Variants in SNX14 observed in about 807,000 individuals in gnomAD.
SNX14 encodes sorting nexin-14.
SNX14 carries 93 observed loss-of-function variants against 133.8 expected under a neutral mutation model. That is an observed-to-expected ratio of 0.70 (90% CI 0.59 to 0.83). The LOEUF is 0.83. SNX14 is among the 40% of genes least tolerant of loss of function. The pLI is 0.00. For synonymous variants in SNX14, 368 were observed against 365.6 expected (o/e 1.01, Z -0.07); for missense variants, 945 against 1,094.9 (o/e 0.86, Z 1.93).
chr6:85,579,852 C>A (rs140001970), intron 1 of SNX14, among the ~76,000 whole-genome samples: 148 of 152,310 alleles, frequency 9.7e-4, no homozygotes, highest in African/African-American at 3.5e-3. Context: ...GACTGTAACG[C>A]CTAGGCAAGT....
At chr6:85,578,442 G>A (rs1388314070) in intron 1 of SNX14, among the ~76,000 whole-genome samples, 3 of 152,086 alleles carry the variant, frequency 2.0e-5, no homozygotes, top group Non-Finnish European at 2.9e-5. Flanking sequence ...GAAGGGAAGA[G>A]GGGGGTATCC....
chr6:85,547,019 G>T, intron 12 of SNX14, 93 bp downstream of exon 12: 33 of 681,990 alleles, frequency 4.8e-5, no homozygotes, highest in South Asian at 1.2e-4. Context: ...TACAATGATA[G>T]ATGGGTACCA....
chr6:85,513,899 A>G lies in SNX14; in HGVS notation c.2558-4T>C, dbSNP rs771674560. 6.3e-7 allele frequency: 1 copy of G among 1,597,584 alleles called. No homozygotes were observed. The highest frequency in any genetic ancestry group is 8.5e-7 in the Non-Finnish European group (1 of 1,173,206). On this transcript the variant is annotated splice_polypyrimidine_tract_variant and splice_region_variant and intron_variant, in intron 25 of 28. Coordinates refer to ENST00000314673, the MANE Select transcript of SNX14 (RefSeq NM_153816.6). ...GTGTTTTCACAGAATATAGCATCTA[A>G]AAAAGAGTAAAAAGAAATATTTCTG...
In SNX14 at chr6:85,572,131, A is replaced by G. The variant is rs1203806345; in HGVS notation, c.417+6T>C. ...TTCTGTTAATAATATTAATTAAATC[A>G]GTTACCTCTGAGAGAGATGCATCAA... is the stretch of plus-strand genomic sequence containing the variant. On this transcript the variant is annotated splice_donor_region_variant and intron_variant, in intron 4 of 28. Transcript: ENST00000314673. 3 of 1,605,918 alleles carry G rather than the reference A, an allele frequency of 1.9e-6. No homozygotes were observed. The highest frequency in any genetic ancestry group is 8.5e-7 in the Non-Finnish European group (1 of 1,176,540).
rs182214529 is a variant in SNX14, at chr6:85,544,832, T to C, written c.1109-1072A>G. On this transcript the variant is annotated intron_variant, in intron 12 of 28. Transcript: ENST00000314673. ...TTTAAGAACTGTGAAAATGATTTCT[T>C]TCAGCAGAAAGAAACAATATTAGAA... Among the ~76,000 whole-genome samples the C allele has an allele frequency of 1.2e-3, 190 of 152,330 alleles. 1 individual carries two copies. The highest frequency in any genetic ancestry group is 4.2e-3 in the African/African-American group (176 of 41,570).
Position 85,572,206 on chromosome 6 carries a change from C to T in SNX14, c.348G>A (p.Leu116=), listed in dbSNP as rs937483887. 1 of 1,613,558 alleles carries T rather than the reference C, an allele frequency of 6.2e-7. No homozygotes were observed. Among genetic ancestry groups the T allele is most frequent in the Non-Finnish European group, 8.5e-7 (1 of 1,179,858 alleles). ...GCCATGGCTGGTAGTTTTCAAGTAG[C>T]AAAGAAGGCCTAAAGAAAAATTATA... is the stretch of plus-strand genomic sequence containing the variant. ...KVKCKRHRPS[L]LLENYQPWLD... Residue 116 remains leucine (L), a synonymous_variant, in exon 4 of 29, where the codon TTG becomes TTA. Coordinates refer to ENST00000314673, the MANE Select transcript of SNX14 (RefSeq NM_153816.6).
Position 85,505,737 on chromosome 6 carries a change from G to A in SNX14, c.*230C>T, listed in dbSNP as rs1464681304. ...TCTCTTTTAAAAATGGCAATAACAAGTGACTTATGTTCTAATAAAATTTGG... is the reference window on the plus strand; with the variant it reads ...TCTCTTTTAAAAATGGCAATAACAAATGACTTATGTTCTAATAAAATTTGG... On this transcript the variant is annotated 3_prime_UTR_variant, in exon 29 of 29. Transcript: ENST00000314673. The A allele has an allele frequency of 8.3e-6, 4 of 483,176 alleles. No individual in the cohort carries two copies. Among genetic ancestry groups the A allele is most frequent in the South Asian group, 2.8e-5 (1 of 35,154 alleles). 29.9% of individuals were successfully genotyped at this position (483,176 alleles called of 1,614,324 possible).
rs1329974464 is a variant in SNX14 at position 85,517,992 on chromosome 6, T to A, written c.2148+16A>T. ...TGATTATCATGTTATAGAACACACA[T>A]AAATCAGTTACTCACCTCTTTCATT... On this transcript the variant is annotated intron_variant, in intron 22 of 28. Coordinates refer to ENST00000314673, the MANE Select transcript of SNX14 (RefSeq NM_153816.6). 6.2e-7 allele frequency: 1 copy of A among 1,601,906 alleles called. No homozygotes were observed. Among genetic ancestry groups the A allele is most frequent in the Non-Finnish European group, 8.5e-7 (1 of 1,174,320 alleles).
rs568848575 is a variant in SNX14, at chr6:85,535,537, G to A, written c.1608+1255C>T. On this transcript the variant is annotated intron_variant, in intron 17 of 28. Coordinates refer to ENST00000314673, the MANE Select transcript of SNX14 (RefSeq NM_153816.6). ...AGGCTGAGGCAGGAGCCCGGGAGGC[G>A]GAGGTTGCAGTGAGCTGAGATCGTG... 1.1e-3 allele frequency among the ~76,000 whole-genome samples: 161 copies of A among 150,548 alleles called. 1 individual carries two copies. Among genetic ancestry groups the A allele is most frequent in the African/African-American group, 3.6e-3 (146 of 40,918 alleles).
intron 17 of SNX14, among the ~76,000 whole-genome samples, chr6:85,535,375 G>T (rs1005125383): frequency 2.0e-5 from 3 of 151,578 alleles, no homozygotes; most frequent in African/African-American, 2.4e-5. Context: ...AACACTTTGG[G>T]ACTACAGGTG....
At chr6:85,541,565 T>C (rs539429913) in intron 15 of SNX14, among the ~76,000 whole-genome samples, 15 of 152,118 alleles carry the variant, frequency 9.9e-5, no homozygotes, top group Middle Eastern at 3.2e-3. Flanking sequence ...GTCATTTAAC[T>C]GTACACTTAG....
At position 85,533,579 on chromosome 6, in the gene SNX14, G is replaced by A. The variant is rs1314110807; in HGVS notation, c.1810+20C>T. 5 of 1,603,302 alleles carry A rather than the reference G, an allele frequency of 3.1e-6. No homozygotes were observed. In the South Asian group the frequency reaches 3.3e-5, roughly 11 times the overall value. ...CATTCATGGGCATCTTTTAAGAAAGGTGCTCAGAAAGCTTCCTACCTGCTC... is the reference window on the plus strand; with the variant it reads ...CATTCATGGGCATCTTTTAAGAAAGATGCTCAGAAAGCTTCCTACCTGCTC... On this transcript the variant is annotated intron_variant, in intron 18 of 28. Coordinates refer to ENST00000314673, the MANE Select transcript of SNX14 (RefSeq NM_153816.6).
At chr6:85,569,442 T>C (rs565485889) in intron 4 of SNX14, among the ~76,000 whole-genome samples, 147 of 152,292 alleles carry the variant, frequency 9.7e-4, no homozygotes, top group African/African-American at 3.5e-3. Context: ...ATAAGAAAGG[T>C]ATAAATTGCA....
intron 4 of SNX14, 80 bp from the exon 5 acceptor site, chr6:85,567,657 A>G (rs1794300650): frequency 1.0e-5 from 9 of 891,330 alleles, no homozygotes; most frequent in Non-Finnish European, 1.5e-5. Flanking sequence ...GGGAATATGT[A>G]ACATTACCAA....
chr6:85,588,799 T>A lies in SNX14; in HGVS notation c.140+4780A>T. 1.1e-5 allele frequency: 5 copies of A among 448,798 alleles called. 1 individual carries two copies. Among genetic ancestry groups the A allele is most frequent in the South Asian group, 7.9e-5 (5 of 63,106 alleles). 27.8% of individuals were successfully genotyped at this position (448,798 alleles called of 1,614,324 possible). A position where few individuals can be genotyped will look rare whatever the true frequency, so the allele number is the denominator to read the frequency against. The stretch of plus-strand genomic sequence containing the variant: ...TGTATTATATACTGTATTCTTACAA[T>A]GATGTAAGCTAGAGAAAACAACATG... On this transcript the variant is annotated intron_variant, in intron 1 of 28. Transcript: ENST00000314673.
chr6:85,566,686 A>G (rs1793958428), intron 5 of SNX14, among the ~76,000 whole-genome samples: 1 of 152,042 alleles, frequency 6.6e-6, no homozygotes, highest in Admixed American at 6.6e-5. Flanking sequence ...CAACAGAGTA[A>G]GACTCCATCT....
At chr6:85,530,507 T>C (rs1376998287) in intron 18 of SNX14, among the ~76,000 whole-genome samples, 3 of 151,936 alleles carry the variant, frequency 2.0e-5, no homozygotes, top group South Asian at 4.2e-4. Flanking sequence ...TAGCCAGGTG[T>C]GGTGGCAGGC....
At chr6:85,585,507 G>C (rs1272116443) in intron 1 of SNX14, among the ~76,000 whole-genome samples, 1 of 151,996 alleles carries the variant, frequency 6.6e-6, no homozygotes, top group Non-Finnish European at 1.5e-5. Flanking sequence ...GTCAAGAGCA[G>C]AAATCAACAA....
In SNX14 at chr6:85,527,061, C is replaced by T. The variant is rs1334528418; in HGVS notation, c.1996-824G>A. Among the ~76,000 whole-genome samples the T allele has an allele frequency of 2.6e-5, 4 of 152,074 alleles. No individual in the cohort carries two copies. In the East Asian group the frequency reaches 5.8e-4, roughly 22 times the overall value. ...TCCAGCCTAGATGACAAGAGCAAAA[C>T]TCTGTCTCAAAAAATAAAAAAAATT... On this transcript the variant is annotated intron_variant, in intron 20 of 28. Transcript: ENST00000314673.
Sources: gnomAD v4.1 joint callset for allele counts (sites outside exome capture counted in the v4.1 genomes callset) on GRCh38, gnomAD v4.1.1 for gene constraint, MANE v1.5 for transcripts, NCBI Gene and HGNC (gene_info 2026-07-23, HGNC 2026-07-21) for gene names.